CNTN4: variants seen among roughly 807,000 people sequenced by gnomAD.
The protein encoded by CNTN4 is contactin 4, also known as contactin-4.
Under a neutral mutation model 122.5 loss-of-function variants are expected in CNTN4, and 77 were observed. That is an observed-to-expected ratio of 0.63 (90% CI 0.52 to 0.76). CNTN4 has a LOEUF of 0.76. CNTN4 is among the 30% of genes least tolerant of loss of function. The probability of loss-of-function intolerance (pLI) is 0.00; values close to 1 mark genes in which losing one functional copy is unlikely to be tolerated. For synonymous variants in CNTN4, 512 were observed against 447.0 expected (o/e 1.15, Z -1.83); for missense variants, 1,256 against 1,259.1 (o/e 1.00, Z 0.04).
At chr3:2,778,010 C>A (rs909594463) in intron 6 of CNTN4, among the ~76,000 whole-genome samples, 1 of 151,554 alleles carries the variant, frequency 6.6e-6, no homozygotes, top group Non-Finnish European at 1.5e-5. Flanking sequence ...GTCAGGAGAT[C>A]GAGGCCATCC....
At chr3:2,692,097 C>CTTCAA (rs1553612484) in intron 4 of CNTN4, among the ~76,000 whole-genome samples, 1 of 151,802 alleles carries the variant, frequency 6.6e-6, no homozygotes, top group African/African-American at 2.4e-5. Flanking sequence ...ATCTCAGATT[C>CTTCAA]TTAAACTTAA....
rs769584398 is a variant in CNTN4 at position 2,925,671 on chromosome 3, C to A, written c.1250C>A (p.Thr417Asn). 8 of 1,613,908 alleles carry A rather than the reference C, an allele frequency of 5.0e-6. No homozygotes were observed. In the South Asian group the frequency reaches 8.8e-5, roughly 18 times the overall value. The change falls in exon 13 of 25, where the codon ACT becomes AAT. Residue 417 changes from threonine (T) to asparagine (N), a missense_variant. Coordinates refer to ENST00000418658, the MANE Select transcript of CNTN4 (RefSeq NM_175607.3). ...TCAAGAACACTCTTGAAAAGAGTAA[C>A]TCTTGTCAAAGTGGGAGGTGAAGTT... Reference protein sequence around the residue: ...DFSRTLLKRVTLVKVGGEVVI... With the variant: ...DFSRTLLKRVNLVKVGGEVVI...
intron 3 of CNTN4, among the ~76,000 whole-genome samples, chr3:2,504,555 C>G (rs1267791839): frequency 6.6e-6 from 1 of 152,100 alleles, no homozygotes; most frequent in Non-Finnish European, 1.5e-5. Flanking sequence ...ATTCTTATAA[C>G]AAATGACTCA....
chr3:2,749,217 G>T (rs1160510090), intron 6 of CNTN4, among the ~76,000 whole-genome samples: 1 of 152,054 alleles, frequency 6.6e-6, no homozygotes, highest in Non-Finnish European at 1.5e-5. Flanking sequence ...TAGCTGGAGT[G>T]CAGTGGTGCG....
chr3:2,799,024 T>G (rs1317632390), intron 6 of CNTN4, among the ~76,000 whole-genome samples: 2 of 152,242 alleles, frequency 1.3e-5, no homozygotes, highest in Admixed American at 1.3e-4. Flanking sequence ...TTTTTCATAG[T>G]AGTCATTCTG....
intron 3 of CNTN4, among the ~76,000 whole-genome samples, chr3:2,516,480 G>C (rs1233166206): frequency 1.3e-5 from 2 of 152,008 alleles, no homozygotes; most frequent in East Asian, 1.9e-4. Flanking sequence ...TAGTACCTCT[G>C]TTGACTTGAG....
At chr3:2,794,776 C>G (rs548434103) in intron 6 of CNTN4, among the ~76,000 whole-genome samples, 1 of 152,270 alleles carries the variant, frequency 6.6e-6, no homozygotes, top group Non-Finnish European at 1.5e-5. Flanking sequence ...CTGGGAAGTA[C>G]TAAATCAAGA....
intron 6 of CNTN4, among the ~76,000 whole-genome samples, chr3:2,749,573 T>C (rs1208282627): frequency 6.6e-6 from 1 of 152,172 alleles, no homozygotes; most frequent in African/African-American, 2.4e-5. Context: ...GACTATCTTG[T>C]CCATCCTTTT....
chr3:2,329,384 C>G (rs2043622612), intron 2 of CNTN4, among the ~76,000 whole-genome samples: 1 of 152,200 alleles, frequency 6.6e-6, no homozygotes, highest in African/African-American at 2.4e-5. Flanking sequence ...GTTTCCTTCA[C>G]TTCTAAACGC....
intron 10 of CNTN4, among the ~76,000 whole-genome samples, chr3:2,889,388 C>A (rs68056715): frequency 0.12 from 17,568 of 152,196 alleles, 1,058 homozygotes; most frequent in Admixed American, 0.13. Context: ...AGATGACAGA[C>A]TTGATATTTA....
intron 6 of CNTN4, among the ~76,000 whole-genome samples, chr3:2,811,104 G>T (rs534527323): frequency 6.6e-6 from 1 of 151,914 alleles, no homozygotes; most frequent in South Asian, 2.1e-4. Flanking sequence ...AGGAATATTA[G>T]ACCTAGCATA....
chr3:2,488,429 A>G (rs2076224041), intron 3 of CNTN4, among the ~76,000 whole-genome samples: 1 of 152,052 alleles, frequency 6.6e-6, no homozygotes, highest in Non-Finnish European at 1.5e-5. Flanking sequence ...GTGTGTCTAC[A>G]TTGTTCCAGT....
intron 3 of CNTN4, among the ~76,000 whole-genome samples, chr3:2,443,188 A>G (rs551667193): frequency 2.6e-5 from 4 of 151,854 alleles, no homozygotes; most frequent in Admixed American, 2.6e-4. Flanking sequence ...TAGAATTCAG[A>G]GGGATAAGTT....
At chr3:2,279,972 G>T (rs13059036) in intron 2 of CNTN4, among the ~76,000 whole-genome samples, 69,428 of 149,438 alleles carry the variant, frequency 0.46, 18,084 homozygotes, top group East Asian at 0.66. Flanking sequence ...CTTATATATA[G>T]AGAGAGAGAT....
rs189679594 is a variant in CNTN4, at chr3:2,302,422, C to T, written c.-144-36756C>T. On this transcript the variant is annotated intron_variant, in intron 2 of 24. Transcript: ENST00000418658. ...CAGCCTGGGTGACAGAGCGAGACTCCATCTCAAAAAACAAACAAACAGACA... is the reference window on the plus strand; with the variant it reads ...CAGCCTGGGTGACAGAGCGAGACTCTATCTCAAAAAACAAACAAACAGACA... Among the ~76,000 whole-genome samples, 12 of 152,218 alleles carry T rather than the reference C, an allele frequency of 7.9e-5. No individual in the cohort carries two copies. In the East Asian group the frequency reaches 2.3e-3, roughly 29 times the overall value.
chr3:2,193,247 G>A (rs2037670961), intron 2 of CNTN4, among the ~76,000 whole-genome samples: 2 of 151,786 alleles, frequency 1.3e-5, no homozygotes, highest in Admixed American at 1.3e-4. Context: ...ACATATCCTA[G>A]CATCTATGGC....
intron 2 of CNTN4, among the ~76,000 whole-genome samples, chr3:2,330,826 T>G (rs1311947576): frequency 1.3e-5 from 2 of 152,176 alleles, no homozygotes; most frequent in Non-Finnish European, 2.9e-5. Context: ...TTGTTTTTCT[T>G]TGCTTCACAG....
In CNTN4 at chr3:2,504,567, T is replaced by G. The variant is rs75324389; in HGVS notation, c.-88-66849T>G. Among the ~76,000 whole-genome samples, 577 of 152,288 alleles carry G rather than the reference T, an allele frequency of 3.8e-3. 3 individuals are homozygous for G. The highest frequency in any genetic ancestry group is 0.013 in the African/African-American group (554 of 41,552). On this transcript the variant is annotated intron_variant, in intron 3 of 24. Coordinates refer to ENST00000418658, the MANE Select transcript of CNTN4 (RefSeq NM_175607.3). ...ACCATTCTTATAACAAATGACTCAATCCGCATTCCTCAATGTATGCTAAAA... is the reference window on the plus strand; with the variant it reads ...ACCATTCTTATAACAAATGACTCAAGCCGCATTCCTCAATGTATGCTAAAA...
chr3:2,939,398 T>C (rs752609852), intron 13 of CNTN4, among the ~76,000 whole-genome samples: 5 of 152,058 alleles, frequency 3.3e-5, no homozygotes, highest in Admixed American at 1.3e-4. Flanking sequence ...GGCATGGGTG[T>C]TAATGTACAC....
Sources: allele counts gnomAD v4.1 joint callset (sites outside exome capture counted in the v4.1 genomes callset), GRCh38; gene constraint gnomAD v4.1.1; transcripts MANE v1.5; gene names NCBI Gene and HGNC (gene_info 2026-07-23, HGNC 2026-07-21).